Variants in BCAS1 observed in about 807,000 individuals in gnomAD.
The protein encoded by BCAS1 is brain enriched myelin associated protein 1.
A neutral mutation model predicts 65.4 loss-of-function variants in BCAS1; 46 were observed. The ratio of observed to expected loss-of-function variants is 0.70; its 90% CI spans 0.55 to 0.90. The LOEUF (loss-of-function observed/expected upper bound fraction) is 0.90, where lower values mean the gene tolerates loss of function less well. Ranked by LOEUF, BCAS1 falls within the 40% of genes least tolerant of loss-of-function variation. The probability of loss-of-function intolerance (pLI) is 0.00; values close to 1 mark genes in which losing one functional copy is unlikely to be tolerated. For synonymous variants in BCAS1, 298 were observed against 293.5 expected (o/e 1.02, Z -0.16); for missense variants, 793 against 771.2 (o/e 1.03, Z -0.33).
chr20:53,965,716 T>C (rs1172158054), intron 10 of BCAS1, among the ~76,000 whole-genome samples: 1 of 152,204 alleles, frequency 6.6e-6, no homozygotes, highest in Non-Finnish European at 1.5e-5. Flanking sequence ...TCACGTCACC[T>C]TCAGAATTTT....
intron 11 of BCAS1, among the ~76,000 whole-genome samples, chr20:53,955,989 T>C (rs536729494): frequency 2.6e-4 from 39 of 152,332 alleles, no homozygotes; most frequent in African/African-American, 7.9e-4. Flanking sequence ...CCAATTATTA[T>C]GGAAATAAAA....
chr20:53,984,659 C>T (rs2090566344), intron 8 of BCAS1, among the ~76,000 whole-genome samples: 1 of 152,232 alleles, frequency 6.6e-6, no homozygotes, highest in South Asian at 2.1e-4. Context: ...GCAGCTGGGG[C>T]TTGCTCAGCA....
intron 4 of BCAS1, among the ~76,000 whole-genome samples, chr20:54,014,036 TA>T (rs2091379314): frequency 6.6e-6 from 1 of 152,138 alleles, no homozygotes; most frequent in South Asian, 2.1e-4. Flanking sequence ...CATGATTAAC[TA>T]AAAAAATTTA....
chr20:54,020,056 C>T (rs1218209356), intron 4 of BCAS1, among the ~76,000 whole-genome samples: 1 of 152,190 alleles, frequency 6.6e-6, no homozygotes, highest in African/African-American at 2.4e-5. Flanking sequence ...CTGACTAATA[C>T]AACTAACTTT....
In BCAS1 at chr20:53,993,158, C is replaced by A. The variant is rs558230445; in HGVS notation, c.928-512G>T. Among the ~76,000 whole-genome samples, 5 of 152,266 alleles carry A rather than the reference C, an allele frequency of 3.3e-5. No individual in the cohort carries two copies. The South Asian group carries it at 1.0e-3, about 32-fold the overall frequency. On this transcript the variant is annotated intron_variant, in intron 6 of 12. Transcript: ENST00000688948. Reference sequence around the variant, plus strand: ...AATATCACCTGCAAAAATTTCAATTCACTTCTAGATGGGTAGACCCCCGCC... The same window carrying A: ...AATATCACCTGCAAAAATTTCAATTAACTTCTAGATGGGTAGACCCCCGCC...
chr20:54,047,868 T>C (rs1244405130), intron 3 of BCAS1, among the ~76,000 whole-genome samples: 4 of 152,196 alleles, frequency 2.6e-5, no homozygotes, highest in African/African-American at 9.6e-5. Context: ...TGGTTTCCCA[T>C]TGGTTACTTG....
intron 10 of BCAS1, among the ~76,000 whole-genome samples, chr20:53,964,690 T>C (rs573121218): frequency 6.6e-6 from 1 of 152,238 alleles, no homozygotes; most frequent in Non-Finnish European, 1.5e-5. Flanking sequence ...GCCAAAAACT[T>C]TTCCCAAACA....
chr20:53,992,327 G>A (rs118151963), intron 7 of BCAS1, among the ~76,000 whole-genome samples, 185 bp downstream of exon 7: 3,002 of 152,216 alleles, frequency 0.02, 48 homozygotes, highest in Middle Eastern at 0.051. Flanking sequence ...TGTTTGAAAT[G>A]TTTATGACTA....
Position 53,967,087 on chromosome 20 carries a change from C to T in BCAS1, c.1318-14G>A, listed in dbSNP as rs753329363. ...CTCACACACCACCTGGATTATTTTG[C>T]CAGGTAATAAGAAAATGAAAAACAA... is the stretch of plus-strand genomic sequence containing the variant. On this transcript the variant is annotated splice_polypyrimidine_tract_variant and intron_variant, in intron 9 of 12. Coordinates refer to ENST00000688948, the MANE Select transcript of BCAS1 (RefSeq NM_001366298.2). 6.3e-7 allele frequency: 1 copy of T among 1,597,794 alleles called. No homozygotes were observed. The highest frequency in any genetic ancestry group is 8.5e-7 in the Non-Finnish European group (1 of 1,174,920).
intron 3 of BCAS1, among the ~76,000 whole-genome samples, chr20:54,031,177 C>T (rs1212778931): frequency 1.3e-5 from 2 of 151,424 alleles, no homozygotes; most frequent in African/African-American, 4.8e-5. Flanking sequence ...AGTGTTATAG[C>T]CAGAGAAAAA....
At chr20:53,974,023 C>A (rs1230715356) in intron 9 of BCAS1, among the ~76,000 whole-genome samples, 1 of 149,936 alleles carries the variant, frequency 6.7e-6, no homozygotes, top group African/African-American at 2.4e-5. Context: ...CACTTTGTGT[C>A]TAGCTTAAGG....
intron 4 of BCAS1, among the ~76,000 whole-genome samples, chr20:54,007,449 T>C (rs2091224143): frequency 6.6e-6 from 1 of 152,184 alleles, no homozygotes; most frequent in Non-Finnish European, 1.5e-5. Context: ...GAAAGAACCC[T>C]ACTGGAGCAG....
At chr20:53,964,905 GT>G (rs143853752) in intron 10 of BCAS1, among the ~76,000 whole-genome samples, 9 of 145,974 alleles carry the variant, frequency 6.2e-5, no homozygotes, top group South Asian at 2.2e-4. Context: ...TCTATTTACT[GT>G]TTTTTTTTTC....
At chr20:53,967,179 C>A in intron 9 of BCAS1, 106 bp from the exon 10 acceptor site, 1 of 1,170,178 alleles carries the variant, frequency 8.5e-7, no homozygotes. Context: ...ATAGTAGCTA[C>A]AGTTTTGAAT....
intron 9 of BCAS1, among the ~76,000 whole-genome samples, chr20:53,969,277 T>G (rs1385442267): frequency 3.3e-5 from 5 of 152,074 alleles, no homozygotes; most frequent in African/African-American, 1.2e-4. Flanking sequence ...TTAATGCTAG[T>G]GGTTGTTATT....
intron 9 of BCAS1, 114 bp downstream of exon 9, chr20:53,975,275 C>T (rs2090298736): frequency 1.2e-6 from 1 of 859,132 alleles, no homozygotes; most frequent in Non-Finnish European, 1.9e-6. Flanking sequence ...CTACAACAAA[C>T]GAATCACACT....
chr20:53,968,522 T>C (rs1487630274), intron 9 of BCAS1, among the ~76,000 whole-genome samples: 1 of 152,250 alleles, frequency 6.6e-6, no homozygotes, highest in Non-Finnish European at 1.5e-5. Flanking sequence ...CCTTAGTCTC[T>C]GTATTGCCAT....
chr20:54,048,029 T>C (rs1372063422), intron 3 of BCAS1, among the ~76,000 whole-genome samples: 1 of 152,152 alleles, frequency 6.6e-6, no homozygotes, highest in African/African-American at 2.4e-5. Flanking sequence ...GGTTTTCTGC[T>C]TGATTTAGTT....
At chr20:54,059,873 A>G (rs2092355203) in intron 1 of BCAS1, among the ~76,000 whole-genome samples, 1 of 152,242 alleles carries the variant, frequency 6.6e-6, no homozygotes, top group Non-Finnish European at 1.5e-5. Context: ...ATCATTGACT[A>G]AGGTATCATT....
Sources: allele counts gnomAD v4.1 joint callset (sites outside exome capture counted in the v4.1 genomes callset), GRCh38; gene constraint gnomAD v4.1.1; transcripts MANE v1.5; gene names NCBI Gene and HGNC (gene_info 2026-07-23, HGNC 2026-07-21).